PCGF3: variants seen among roughly 807,000 people sequenced by gnomAD.
PCGF3 encodes the protein polycomb group ring finger 3.
A neutral mutation model predicts 33.1 loss-of-function variants in PCGF3; 7 were observed. That is an observed-to-expected ratio of 0.21 (90% CI 0.12 to 0.40). PCGF3 has a LOEUF of 0.40. PCGF3 is among the 10% of genes least tolerant of loss of function. The pLI is 1.00. For missense variants in PCGF3, 211 were observed against 313.3 expected, an observed-to-expected ratio of 0.67 and a Z score of 2.46; for synonymous variants, 153 against 121.3, an observed-to-expected ratio of 1.26 and a Z score of -1.72.
Position 718,629 on chromosome 4 carries a change from A to G in PCGF3, c.-189-12001A>G, listed in dbSNP as rs1742954981. Among the ~76,000 whole-genome samples, 5 of 152,114 alleles carry G rather than the reference A, an allele frequency of 3.3e-5. No individual in the cohort carries two copies. The South Asian group carries it at 1.0e-3, about 32-fold the overall frequency. ...GCCCCCACAGTGCCACGGTCCACGG[A>G]GGTGGGGTCGGCTGGCTCTGGCTGG... On this transcript the variant is annotated intron_variant, in intron 1 of 10. Transcript: ENST00000362003.
chr4:761,139 G>A (rs973954721), intron 8 of PCGF3, 140 bp from the exon 9 acceptor site: 17 of 547,534 alleles, frequency 3.1e-5, no homozygotes, highest in African/African-American at 2.5e-4. Context: ...TTTCTGCAGT[G>A]TTGAAGTCAA....
chr4:716,215 G>A (rs1316794971), intron 1 of PCGF3, among the ~76,000 whole-genome samples: 1 of 128,536 alleles, frequency 7.8e-6, no homozygotes, highest in African/African-American at 2.8e-5. Context: ...AGAACTGGGC[G>A]TGGGTGCTGG....
intron 4 of PCGF3, chr4:734,080 C>A (rs537541814): frequency 2.6e-6 from 4 of 1,550,710 alleles, no homozygotes; most frequent in Non-Finnish European, 3.5e-6. Context: ...TGACAGTGCT[C>A]ACTGCTGGCA....
At chr4:752,480 C>A (rs560045825) in intron 8 of PCGF3, among the ~76,000 whole-genome samples, 1 of 152,212 alleles carries the variant, frequency 6.6e-6, no homozygotes, top group Non-Finnish European at 1.5e-5. Context: ...ACAGCTGTTC[C>A]GCTCTTTTCC....
At chr4:719,986 T>C (rs1014920352) in intron 1 of PCGF3, among the ~76,000 whole-genome samples, 1 of 152,176 alleles carries the variant, frequency 6.6e-6, no homozygotes, top group Non-Finnish European at 1.5e-5. Flanking sequence ...ACAGCTAATG[T>C]TGGGCTGGGG....
intron 8 of PCGF3, among the ~76,000 whole-genome samples, chr4:755,339 C>T (rs149182543): frequency 6.6e-6 from 1 of 151,940 alleles, no homozygotes; most frequent in Non-Finnish European, 1.5e-5. Context: ...GGGTGTCCAG[C>T]GACTCATCGC....
At chr4:769,570 A>G (rs569330673) in exon 11 of PCGF3, 2 of 152,820 alleles carry the variant, frequency 1.3e-5, no homozygotes, top group African/African-American at 2.4e-5. Flanking sequence ...AAATGATACC[A>G]TAATTTGTAC....
chr4:733,578 C>T lies in PCGF3; in HGVS notation c.-9-94C>T, dbSNP rs1743707445. The T allele has an allele frequency of 1.4e-5, 19 of 1,326,498 alleles. No homozygotes were observed. The Admixed American group carries it at 2.2e-4, about 15-fold the overall frequency. 82.2% of individuals were successfully genotyped at this position (1,326,498 alleles called of 1,614,324 possible). A position where few individuals can be genotyped will look rare whatever the true frequency, so the allele number is the denominator to read the frequency against. ...CCTGCCACCCAGGCCTCAGGGCCTG[C>T]ACTGTCCTCCCTGGGGGCGGCTGTC... On this transcript the variant is annotated intron_variant, in intron 3 of 10. Transcript: ENST00000362003.
chr4:761,568 G>A lies in PCGF3; in HGVS notation c.600+152G>A. On this transcript the variant is annotated intron_variant, in intron 9 of 10. Transcript: ENST00000362003. ...CGTTTTGCCTGCTTCACCGGGGAGCGGGATAGGAGACAGCCCTAAGGGTTG... is the reference window on the plus strand; with the variant it reads ...CGTTTTGCCTGCTTCACCGGGGAGCAGGATAGGAGACAGCCCTAAGGGTTG... 5.2e-6 allele frequency: 7 copies of A among 1,357,674 alleles called. No homozygotes were observed. The East Asian group carries it at 1.0e-4, about 20-fold the overall frequency. The allele number at this position is 1,357,674 out of a possible 1,614,324, so 84.1% of individuals were successfully genotyped here. A position where few individuals can be genotyped will look rare whatever the true frequency, so the allele number is the denominator to read the frequency against.
chr4:755,870 A>T (rs1047087631), intron 8 of PCGF3, among the ~76,000 whole-genome samples: 2 of 142,238 alleles, frequency 1.4e-5, no homozygotes, highest in Non-Finnish European at 3.0e-5. Flanking sequence ...GGGAGAGTAC[A>T]TACCCCTCCT....
chr4:727,231 G>GTTTTTTTTTTTT, intron 1 of PCGF3, among the ~76,000 whole-genome samples: 1 of 93,890 alleles, frequency 1.1e-5, no homozygotes, highest in Non-Finnish European at 2.4e-5. Flanking sequence ...GTTAGCGAGC[G>GTTTTTTTTTTTT]TCTTTTTTTT....
intron 6 of PCGF3, among the ~76,000 whole-genome samples, chr4:743,151 C>T (rs1052124277): frequency 6.6e-6 from 1 of 152,200 alleles, no homozygotes; most frequent in African/African-American, 2.4e-5. Flanking sequence ...GGTTCTGCGC[C>T]ATTGGACACT....
intron 5 of PCGF3, among the ~76,000 whole-genome samples, chr4:736,714 A>G (rs377048856): frequency 4.3e-3 from 470 of 109,164 alleles, no homozygotes; most frequent in African/African-American, 8.3e-3. Flanking sequence ...GTCCGCAGGG[A>G]CGGTGTCCCC....
chr4:715,597 A>C (rs1742791212), intron 1 of PCGF3, among the ~76,000 whole-genome samples: 2 of 102,760 alleles, frequency 1.9e-5, no homozygotes, highest in Non-Finnish European at 3.9e-5. Context: ...TGAGTGTGAG[A>C]ACTGGGTGTC....
chr4:738,102 A>T (rs1743914077), intron 6 of PCGF3, among the ~76,000 whole-genome samples: 1 of 152,234 alleles, frequency 6.6e-6, no homozygotes, highest in South Asian at 2.1e-4. Context: ...GAGGCCAAGG[A>T]GGGGCCAGGT....
intron 10 of PCGF3, among the ~76,000 whole-genome samples, chr4:765,613 C>T (rs6848678): frequency 6.6e-6 from 1 of 152,216 alleles, no homozygotes. Flanking sequence ...CCCCTGGGGC[C>T]TTTGGGCCCC....
intron 1 of PCGF3, chr4:722,418 G>C (rs1408405575): frequency 4.7e-6 from 1 of 212,634 alleles, no homozygotes; most frequent in South Asian, 5.5e-5. Flanking sequence ...GGCGTGCGGA[G>C]TGTTTTGGGG....
At chr4:725,694 G>A (rs1346053186) in intron 1 of PCGF3, among the ~76,000 whole-genome samples, 1 of 151,542 alleles carries the variant, frequency 6.6e-6, no homozygotes, top group African/African-American at 2.4e-5. Context: ...GGCTGTGTGG[G>A]CTGCCGAGGG....
chr4:760,555 C>T (rs1281424276), intron 8 of PCGF3, among the ~76,000 whole-genome samples: 2 of 152,340 alleles, frequency 1.3e-5, no homozygotes, highest in Non-Finnish European at 1.5e-5. Context: ...TTTAGACATA[C>T]ATGTTTCAGT....
Sources: allele counts gnomAD v4.1 joint callset (sites outside exome capture counted in the v4.1 genomes callset), GRCh38; gene constraint gnomAD v4.1.1; transcripts MANE v1.5; gene names NCBI Gene and HGNC (gene_info 2026-07-23, HGNC 2026-07-21).